Variants in TLN2 observed in about 807,000 individuals in gnomAD.
TLN2 encodes the protein talin-2.
In TLN2, 118 loss-of-function variants were observed where a neutral mutation model predicts 294.7. That is an observed-to-expected ratio of 0.40 (90% CI 0.34 to 0.47). The LOEUF (loss-of-function observed/expected upper bound fraction) is 0.47, where lower values mean the gene tolerates loss of function less well. Ranked by LOEUF, TLN2 falls within the 20% of genes least tolerant of loss-of-function variation. The pLI is 0.84. For missense variants in TLN2, 3,083 were observed against 3,282.2 expected (o/e 0.94, Z 1.48); for synonymous variants, 1,431 against 1,304.5 (o/e 1.10, Z -2.09).
rs577988113 is a variant in TLN2, at chr15:62,807,416, C to G, written c.6663+1631C>G. Among the ~76,000 whole-genome samples, 13 of 152,334 alleles carry G rather than the reference C, an allele frequency of 8.5e-5. No homozygotes were observed. In the South Asian group the frequency reaches 2.3e-3, roughly 27 times the overall value. ...ATGACCAAGGTCACGCAGCTATTTA[C>G]TGTCAGATCCAGAACTGAAATTAGC... On this transcript the variant is annotated intron_variant, in intron 51 of 58. Coordinates refer to ENST00000636159, the MANE Select transcript of TLN2 (RefSeq NM_015059.3).
At chr15:62,726,946 C>T in intron 27 of TLN2, 141 bp from the exon 28 acceptor site, 1 of 820,564 alleles carries the variant, frequency 1.2e-6, no homozygotes, top group South Asian at 1.8e-5. Flanking sequence ...TCTCCTGTAC[C>T]ACCCTGCTGC....
At chr15:62,602,990 T>G (rs2047128332) in intron 2 of TLN2, among the ~76,000 whole-genome samples, 1 of 151,996 alleles carries the variant, frequency 6.6e-6, no homozygotes, top group Non-Finnish European at 1.5e-5. Context: ...CCTCCCAGGT[T>G]CATGCCATTC....
intron 1 of TLN2, among the ~76,000 whole-genome samples, chr15:62,567,045 C>A (rs959544302): frequency 2.6e-5 from 4 of 152,184 alleles, no homozygotes; most frequent in African/African-American, 9.6e-5. Flanking sequence ...CTTGAGTCGA[C>A]ATAGTTACGA....
chr15:62,694,528 C>T lies in TLN2; in HGVS notation c.1292+136C>T, dbSNP rs997951955. 2.8e-5 allele frequency: 19 copies of T among 678,386 alleles called. No homozygotes were observed. The Admixed American group carries it at 4.3e-4, about 15-fold the overall frequency. 42.0% of individuals were successfully genotyped at this position (678,386 alleles called of 1,614,324 possible). On this transcript the variant is annotated intron_variant, in intron 14 of 58. Coordinates refer to ENST00000636159, the MANE Select transcript of TLN2 (RefSeq NM_015059.3). The stretch of plus-strand genomic sequence containing the variant: ...GCAGATGATATAGTTGAATCTTCTT[C>T]AAGCGTGGTCCCCAGACCAGCAGCA...
chr15:62,613,985 A>G (rs1214833161), intron 2 of TLN2, among the ~76,000 whole-genome samples: 3 of 152,154 alleles, frequency 2.0e-5, no homozygotes, highest in East Asian at 1.9e-4. Flanking sequence ...GTTGAGGGGG[A>G]CCTGATTTAC....
intron 2 of TLN2, among the ~76,000 whole-genome samples, chr15:62,600,652 T>C (rs1229941441): frequency 6.6e-6 from 1 of 152,194 alleles, no homozygotes; most frequent in Non-Finnish European, 1.5e-5. Flanking sequence ...TGTTTATTCA[T>C]AGTTTTAAAA....
intron 9 of TLN2, among the ~76,000 whole-genome samples, chr15:62,661,657 T>C (rs7181203): frequency 0.037 from 5,638 of 152,254 alleles, 360 homozygotes; most frequent in African/African-American, 0.13. Flanking sequence ...GAGATTCTCA[T>C]TGAATGGAAG....
chr15:62,506,657 TC>T (rs1289139585), intron 1 of TLN2, among the ~76,000 whole-genome samples: 1 of 152,226 alleles, frequency 6.6e-6, no homozygotes, highest in Non-Finnish European at 1.5e-5. Context: ...TTCTGACCTT[TC>T]CCTAGGGTCT....
At chr15:62,822,795 A>G (rs1019664762) in intron 54 of TLN2, among the ~76,000 whole-genome samples, 4 of 152,250 alleles carry the variant, frequency 2.6e-5, no homozygotes, top group African/African-American at 9.6e-5. Flanking sequence ...TATAACAGAA[A>G]GGATGCAGAA....
intron 1 of TLN2, among the ~76,000 whole-genome samples, chr15:62,587,632 T>C (rs546046368): frequency 6.6e-6 from 1 of 152,324 alleles, no homozygotes; most frequent in East Asian, 1.9e-4. Context: ...CTTTCATAAT[T>C]ATAAACAATG....
At chr15:62,420,084 C>T (rs555163858) in intron 1 of TLN2, among the ~76,000 whole-genome samples, 1 of 152,308 alleles carries the variant, frequency 6.6e-6, no homozygotes, top group African/African-American at 2.4e-5. Context: ...ACAATAACAC[C>T]AATCAGCCTT....
At chr15:62,415,794 C>T (rs116003768) in intron 1 of TLN2, among the ~76,000 whole-genome samples, 145 of 152,290 alleles carry the variant, frequency 9.5e-4, no homozygotes, top group African/African-American at 3.4e-3. Context: ...GAGATTGTCA[C>T]TAAGCTATGT....
intron 11 of TLN2, chr15:62,683,982 C>G (rs534626671): frequency 2.0e-5 from 3 of 152,376 alleles, no homozygotes; most frequent in South Asian, 2.1e-4. Flanking sequence ...GCTACTTTAC[C>G]TTTCTCCAGC....
At chr15:62,699,907 C>T (rs1471684471) in intron 16 of TLN2, among the ~76,000 whole-genome samples, 2 of 152,164 alleles carry the variant, frequency 1.3e-5, no homozygotes, top group African/African-American at 4.8e-5. Context: ...AATGGCCAGT[C>T]AGGGTTGACA....
At chr15:62,712,127 G>GGTACTTTCCA in intron 22 of TLN2, 50 bp downstream of exon 22, 1 of 1,581,696 alleles carries the variant, frequency 6.3e-7, no homozygotes, top group South Asian at 1.1e-5. Flanking sequence ...TTAAGTGTTA[G>GGTACTTTCCA]GATTTGGAAG....
chr15:62,518,644 C>G (rs2040304226), intron 1 of TLN2, among the ~76,000 whole-genome samples: 1 of 152,134 alleles, frequency 6.6e-6, no homozygotes, highest in Non-Finnish European at 1.5e-5. Context: ...GTCACCCAGG[C>G]TGGAGTGCAG....
At chr15:62,719,491 C>G (rs2059990458) in intron 24 of TLN2, among the ~76,000 whole-genome samples, 1 of 152,076 alleles carries the variant, frequency 6.6e-6, no homozygotes, top group Non-Finnish European at 1.5e-5. Context: ...TAAGGAAATT[C>G]TTTTAGGCCT....
intron 26 of TLN2, among the ~76,000 whole-genome samples, chr15:62,723,548 T>C (rs1303312755): frequency 1.3e-5 from 2 of 149,112 alleles, no homozygotes; most frequent in African/African-American, 4.9e-5. Context: ...CTTTTTTTTT[T>C]TTTTTTTTTT....
intron 1 of TLN2, among the ~76,000 whole-genome samples, chr15:62,455,113 C>A (rs2036390710): frequency 6.6e-6 from 1 of 152,114 alleles, no homozygotes; most frequent in Non-Finnish European, 1.5e-5. Context: ...TAAAGGGAAC[C>A]ATTGTATTCA....
Sources: allele counts gnomAD v4.1 joint callset (sites outside exome capture counted in the v4.1 genomes callset), GRCh38; gene constraint gnomAD v4.1.1; transcripts MANE v1.5; gene names NCBI Gene and HGNC (gene_info 2026-07-23, HGNC 2026-07-21).